Variants in PRKN observed in about 807,000 individuals in gnomAD.
PRKN encodes the protein E3 ubiquitin-protein ligase parkin.
Under a neutral mutation model 59.5 loss-of-function variants are expected in PRKN, and 56 were observed. That is an observed-to-expected ratio of 0.94 (90% CI 0.76 to 1.18). The LOEUF (loss-of-function observed/expected upper bound fraction) is 1.18, where lower values mean the gene tolerates loss of function less well. PRKN is among the 50% of genes most tolerant of loss of function. The probability of loss-of-function intolerance (pLI) is 0.00; values close to 1 mark genes in which losing one functional copy is unlikely to be tolerated. For synonymous variants in PRKN, 250 were observed against 222.1 expected, an observed-to-expected ratio of 1.13 and a Z score of -1.12; for missense variants, 657 against 596.4, an observed-to-expected ratio of 1.10 and a Z score of -1.06.
intron 7 of PRKN, among the ~76,000 whole-genome samples, chr6:161,666,182 C>T (rs1784718936): frequency 6.6e-6 from 1 of 152,196 alleles, no homozygotes; most frequent in African/African-American, 2.4e-5. Flanking sequence ...GGGTCCCCAA[C>T]CTCCCGAGCC....
chr6:162,109,288 G>A (rs1780322274), intron 4 of PRKN, among the ~76,000 whole-genome samples: 1 of 152,182 alleles, frequency 6.6e-6, no homozygotes, highest in South Asian at 2.1e-4. Context: ...GTAAGACAAA[G>A]AAAGTCGCAA....
At chr6:161,524,407 A>G (rs1366043683) in intron 9 of PRKN, among the ~76,000 whole-genome samples, 1 of 152,136 alleles carries the variant, frequency 6.6e-6, no homozygotes, top group East Asian at 1.9e-4. Flanking sequence ...GTGCAATGGC[A>G]TGAACATAGC....
At chr6:161,706,690 T>A (rs1786514149) in intron 7 of PRKN, among the ~76,000 whole-genome samples, 1 of 152,170 alleles carries the variant, frequency 6.6e-6, no homozygotes, top group South Asian at 2.1e-4. Context: ...CCTGAGGAGC[T>A]GGGATTACAG....
At chr6:162,495,184 T>C (rs1793002414) in intron 1 of PRKN, among the ~76,000 whole-genome samples, 1 of 152,226 alleles carries the variant, frequency 6.6e-6, no homozygotes, top group East Asian at 1.9e-4. Context: ...TGAAAAAAGT[T>C]ATTCAAAGAA....
At position 161,461,528 on chromosome 6, in the gene PRKN, G is replaced by A. The variant is rs1056252449; in HGVS notation, c.1084-74651C>T. 6.6e-6 allele frequency among the ~76,000 whole-genome samples: 1 copy of A among 152,048 alleles called. No individual in the cohort carries two copies. The highest frequency in any genetic ancestry group is 2.1e-4 in the South Asian group (1 of 4,818). Reference sequence around the variant, plus strand: ...TTCCAGTAGTTGAGGTAAAGAGTGGGGACCCTGAGTTAATAGGAAAGAGGA... The same window carrying A: ...TTCCAGTAGTTGAGGTAAAGAGTGGAGACCCTGAGTTAATAGGAAAGAGGA... On this transcript the variant is annotated intron_variant, in intron 9 of 11. Transcript: ENST00000366898. This position sits in a 1 kb window ranked among gnomAD's most constrained non-coding sequence, Gnocchi z 5.1.
intron 3 of PRKN, among the ~76,000 whole-genome samples, chr6:162,203,928 A>C (rs972638318): frequency 6.6e-6 from 1 of 152,182 alleles, no homozygotes; most frequent in African/African-American, 2.4e-5. Flanking sequence ...AAATTGTACA[A>C]ATCACATCCT....
chr6:161,849,764 T>C (rs1015166235), intron 6 of PRKN, among the ~76,000 whole-genome samples: 6 of 152,156 alleles, frequency 3.9e-5, no homozygotes, highest in African/African-American at 1.2e-4. Context: ...TAAGAAAGAA[T>C]AGGAAAAAAC....
rs552203514 is a variant in PRKN at position 162,125,989 on chromosome 6, C to T, written c.535-71815G>A. On this transcript the variant is annotated intron_variant, in intron 4 of 11. Transcript: ENST00000366898. ...TGTTTCATTGCCAGAAACAGCTTCA[C>T]CTAAAAATTAGCAGCCACAGAAGCA... Among the ~76,000 whole-genome samples, 324 of 152,184 alleles carry T rather than the reference C, an allele frequency of 2.1e-3. 1 individual carries two copies. Among genetic ancestry groups the T allele is most frequent in the African/African-American group, 7.2e-3 (299 of 41,530 alleles).
At chr6:162,662,956 G>A (rs1394841291) in intron 1 of PRKN, among the ~76,000 whole-genome samples, 20 of 152,142 alleles carry the variant, frequency 1.3e-4, no homozygotes, top group Admixed American at 1.3e-3. Flanking sequence ...TGAAGCTGAA[G>A]GGAAAGGTGT....
At chr6:162,280,241 G>C (rs1780829304) in intron 2 of PRKN, among the ~76,000 whole-genome samples, 1 of 152,120 alleles carries the variant, frequency 6.6e-6, no homozygotes, top group African/African-American at 2.4e-5. Flanking sequence ...TTGCACATTA[G>C]TTGCAGTTTC....
intron 2 of PRKN, among the ~76,000 whole-genome samples, chr6:162,323,450 ATT>A (rs35393424): frequency 6.6e-6 from 1 of 151,566 alleles, no homozygotes; most frequent in African/African-American, 2.4e-5. Context: ...AAATTTAAAG[ATT>A]TTTTTAAAAA....
chr6:162,568,572 CAGG>C (rs1780183163), intron 1 of PRKN: 5 of 826,710 alleles, frequency 6.0e-6, no homozygotes, highest in Admixed American at 5.2e-5. Flanking sequence ...CGTGCAGGAG[CAGG>C]AGAAGGAGAA....
chr6:161,370,351 G>C (rs946890492), intron 10 of PRKN, among the ~76,000 whole-genome samples: 3 of 151,212 alleles, frequency 2.0e-5, no homozygotes, highest in Admixed American at 6.6e-5. Context: ...TTGGGAGGCC[G>C]AGGCGGGTGG....
chr6:162,042,258 T>C (rs1784093939), intron 5 of PRKN, among the ~76,000 whole-genome samples: 1 of 151,898 alleles, frequency 6.6e-6, no homozygotes, highest in African/African-American at 2.4e-5. Context: ...CAAACATAAA[T>C]GGAGAAAAAT....
Position 161,455,078 on chromosome 6 carries a change from G to A in PRKN, c.1084-68201C>T, listed in dbSNP as rs377560738. Reference sequence around the variant, plus strand: ...TTTTGAGATGGAGTCTCACTCTGTCGCCCAGGCTGGAGTGCAGTGGTATGA... The same window carrying A: ...TTTTGAGATGGAGTCTCACTCTGTCACCCAGGCTGGAGTGCAGTGGTATGA... On this transcript the variant is annotated intron_variant, in intron 9 of 11. Coordinates refer to ENST00000366898, the MANE Select transcript of PRKN (RefSeq NM_004562.3). 7.0e-3 allele frequency among the ~76,000 whole-genome samples: 1,037 copies of A among 148,682 alleles called. 11 individuals are homozygous for A. The highest frequency in any genetic ancestry group is 0.025 in the African/African-American group (993 of 40,260).
intron 4 of PRKN, among the ~76,000 whole-genome samples, chr6:162,145,388 A>G (rs1438622923): frequency 6.6e-6 from 1 of 152,186 alleles, no homozygotes; most frequent in Non-Finnish European, 1.5e-5. Flanking sequence ...TTTTCCTGTA[A>G]GTAAGGACCA....
chr6:162,483,706 C>T (rs1792408530), intron 1 of PRKN, among the ~76,000 whole-genome samples: 1 of 152,154 alleles, frequency 6.6e-6, no homozygotes, highest in African/African-American at 2.4e-5. Flanking sequence ...CCAAGAAGGA[C>T]AAGTTGGACA....
Position 161,481,829 on chromosome 6 carries a change from G to T in PRKN, c.1083+67025C>A, listed in dbSNP as rs192774955. 7.6e-3 allele frequency among the ~76,000 whole-genome samples: 1,152 copies of T among 151,902 alleles called. 11 individuals carry two copies. The highest frequency in any genetic ancestry group is 9.9e-3 in the Non-Finnish European group (676 of 67,978). Reference sequence around the variant, plus strand: ...ATTAGTGAATTGGCACAATTCCTCTGTCATTTTCTTCTCTTCATATAAACT... The same window carrying T: ...ATTAGTGAATTGGCACAATTCCTCTTTCATTTTCTTCTCTTCATATAAACT... On this transcript the variant is annotated intron_variant, in intron 9 of 11. Transcript: ENST00000366898.
intron 7 of PRKN, among the ~76,000 whole-genome samples, chr6:161,633,997 AACAC>A (rs141101298): frequency 0.021 from 3,047 of 142,108 alleles, 102 homozygotes; most frequent in African/African-American, 0.071. Context: ...GGAAAACTTA[AACAC>A]ACACACACAC....
Sources: allele counts gnomAD v4.1 joint callset (sites outside exome capture counted in the v4.1 genomes callset), GRCh38; gene constraint gnomAD v4.1.1; non-coding constraint Gnocchi (gnomAD v3.1); transcripts MANE v1.5; gene names NCBI Gene and HGNC (gene_info 2026-07-23, HGNC 2026-07-21).